Variants in FLRT2 observed in about 807,000 individuals in gnomAD.
FLRT2 encodes the protein fibronectin leucine rich transmembrane protein 2.
FLRT2 carries 15 observed loss-of-function variants against 40.0 expected under a neutral mutation model. The ratio of observed to expected loss-of-function variants is 0.38; its 90% CI spans 0.25 to 0.58. FLRT2 has a LOEUF of 0.58. Among genes scored for constraint, FLRT2 ranks in the 20% least tolerant of loss-of-function variants. FLRT2 has a pLI of 0.71. For synonymous variants in FLRT2, 380 were observed against 336.8 expected (o/e 1.13, Z -1.41); for missense variants, 726 against 840.0 (o/e 0.86, Z 1.68).
chr14:85,642,706 G>A lies in FLRT2; in HGVS notation c.*19209G>A, dbSNP rs934252561. 3 of 152,110 alleles carry A rather than the reference G, an allele frequency of 2.0e-5. No homozygotes were observed. The highest frequency in any genetic ancestry group is 4.4e-5 in the Non-Finnish European group (3 of 68,032). 9.4% of individuals were successfully genotyped at this position (152,110 alleles called of 1,614,324 possible). A position where few individuals can be genotyped will look rare whatever the true frequency, so the allele number is the denominator to read the frequency against. ...AATATGGGTACATATACTAGAGCCT[G>A]CATGCAATGAGCTTACCCAACCAGC... On this transcript the variant is annotated 3_prime_UTR_variant, in exon 2 of 2. Transcript: ENST00000330753.
intron 1 of FLRT2, among the ~76,000 whole-genome samples, chr14:85,534,731 G>T (rs538877507): frequency 6.6e-6 from 1 of 152,054 alleles, no homozygotes. Context: ...GCATTGAGGC[G>T]GCGGCAGCGG....
In FLRT2 at chr14:85,530,983, C is replaced by T. The variant is rs1888236043; in HGVS notation, c.-377+449C>T. Among the ~76,000 whole-genome samples, 3 of 152,304 alleles carry T rather than the reference C, an allele frequency of 2.0e-5. No individual in the cohort carries two copies. In the South Asian group the frequency reaches 6.2e-4, roughly 32 times the overall value. On this transcript the variant is annotated intron_variant, in intron 1 of 1. Transcript: ENST00000330753. ...TATCAGGCTGTTGTATCTAAAGACA[C>T]CAACCTACTACCTGCCCGTAATCTG...
chr14:85,647,100 C>T lies in FLRT2; in HGVS notation c.*23603C>T, dbSNP rs540137447. On this transcript the variant is annotated 3_prime_UTR_variant, in exon 2 of 2. Transcript: ENST00000330753. ...TCACTAATGTGCAACTGATCCACAACCTCATACAATTTTAGTATCTCATAT... is the reference window on the plus strand; with the variant it reads ...TCACTAATGTGCAACTGATCCACAATCTCATACAATTTTAGTATCTCATAT... 3.3e-5 allele frequency: 5 copies of T among 152,170 alleles called. No individual in the cohort carries two copies. The highest frequency in any genetic ancestry group is 5.9e-5 in the Non-Finnish European group (4 of 68,042). 9.4% of individuals were successfully genotyped at this position (152,170 alleles called of 1,614,324 possible).
chr14:85,558,111 C>A lies in FLRT2; in HGVS notation c.-377+27577C>A, dbSNP rs534020532. Among the ~76,000 whole-genome samples, 10 of 152,174 alleles carry A rather than the reference C, an allele frequency of 6.6e-5. No homozygotes were observed. The South Asian group carries it at 2.1e-3, about 32-fold the overall frequency. On this transcript the variant is annotated intron_variant, in intron 1 of 1. Transcript: ENST00000330753. ...GCACTGATGATGTTGTATAAACAGA[C>A]CATAAGGAGATTGAAGCCCTCCATG...
chr14:85,566,549 T>TTGTGTGTGTGTGTG (rs61634735), intron 1 of FLRT2, among the ~76,000 whole-genome samples: 3,465 of 130,882 alleles, frequency 0.026, 95 homozygotes, highest in African/African-American at 0.059. Flanking sequence ...ACTTCCATGG[T>TTGTGTGTGTGTGTG]TGTGTGTGTG....
At chr14:85,612,920 G>A (rs1241624680) in intron 1 of FLRT2, among the ~76,000 whole-genome samples, 1 of 152,156 alleles carries the variant, frequency 6.6e-6, no homozygotes, top group East Asian at 1.9e-4. Context: ...CTCTTGTGAA[G>A]GAGACATAAG....
chr14:85,551,665 G>A (rs141661862), intron 1 of FLRT2: 8 of 152,218 alleles, frequency 5.3e-5, no homozygotes, highest in Admixed American at 1.3e-4. Context: ...GTTTCGCCCT[G>A]AAATACCTTA....
intron 1 of FLRT2, among the ~76,000 whole-genome samples, chr14:85,616,143 AT>A (rs35793855): frequency 6.6e-6 from 1 of 151,552 alleles, no homozygotes; most frequent in African/African-American, 2.4e-5. Context: ...CCCAAAGAGC[AT>A]TTTTTTTGCA....
At chr14:85,564,199 T>A (rs1212912113) in intron 1 of FLRT2, among the ~76,000 whole-genome samples, 1 of 152,196 alleles carries the variant, frequency 6.6e-6, no homozygotes, top group East Asian at 1.9e-4. Context: ...TTCAGCCAAA[T>A]GGCATTGTTT....
rs1372371850 is a variant in FLRT2 at position 85,640,241 on chromosome 14, G to A, written c.*16744G>A. ...TGTGGTGGTTCCTTCTGCAGATAAA[G>A]CAAAGGAAATCTGGAAATGGCCAAC... On this transcript the variant is annotated 3_prime_UTR_variant, in exon 2 of 2. Transcript: ENST00000330753. 1 of 152,142 alleles carries A rather than the reference G, an allele frequency of 6.6e-6. No individual in the cohort carries two copies. Among genetic ancestry groups the A allele is most frequent in the African/African-American group, 2.4e-5 (1 of 41,416 alleles). 9.4% of individuals were successfully genotyped at this position (152,142 alleles called of 1,614,324 possible).
Position 85,633,470 on chromosome 14 carries a change from A to G in FLRT2, c.*9973A>G, listed in dbSNP as rs900660885. The G allele has an allele frequency of 1.3e-5, 2 of 152,172 alleles. No individual in the cohort carries two copies. The highest frequency in any genetic ancestry group is 2.9e-5 in the Non-Finnish European group (2 of 68,050). The allele number at this position is 152,172 out of a possible 1,614,324, so 9.4% of individuals were successfully genotyped here. On this transcript the variant is annotated 3_prime_UTR_variant, in exon 2 of 2. Transcript: ENST00000330753. ...TGTCAAAAGAGCCCCAGGAATGAGC[A>G]TTCAGAAGGCATTGGAAATCAAAAT...
In FLRT2 at chr14:85,633,834, G is replaced by C. The variant is rs1893940504; in HGVS notation, c.*10337G>C. On this transcript the variant is annotated 3_prime_UTR_variant, in exon 2 of 2. Coordinates refer to ENST00000330753, the MANE Select transcript of FLRT2 (RefSeq NM_013231.6). Reference sequence around the variant, plus strand: ...AAAAAAGTAATAAATTTCTGATATTGTTTCAAAAATCTATAATTTCTAGTA... The same window carrying C: ...AAAAAAGTAATAAATTTCTGATATTCTTTCAAAAATCTATAATTTCTAGTA... 6.6e-6 allele frequency: 1 copy of C among 151,442 alleles called. No individual in the cohort carries two copies. Among genetic ancestry groups the C allele is most frequent in the Non-Finnish European group, 1.5e-5 (1 of 67,884 alleles). The allele number at this position is 151,442 out of a possible 1,614,324, so 9.4% of individuals were successfully genotyped here.
Position 85,633,909 on chromosome 14 carries a change from T to C in FLRT2, c.*10412T>C, listed in dbSNP as rs1893942644. On this transcript the variant is annotated 3_prime_UTR_variant, in exon 2 of 2. Coordinates refer to ENST00000330753, the MANE Select transcript of FLRT2 (RefSeq NM_013231.6). ...TACACCACCAATTACGGCATTTAAA[T>C]CCACACTGGGTTTGCTGATAGTGGG... 1 of 152,176 alleles carries C rather than the reference T, an allele frequency of 6.6e-6. No homozygotes were observed. Among genetic ancestry groups the C allele is most frequent in the Non-Finnish European group, 1.5e-5 (1 of 68,034 alleles). The allele number at this position is 152,176 out of a possible 1,614,324, so 9.4% of individuals were successfully genotyped here.
At chr14:85,611,385 T>G (rs2139351875) in intron 1 of FLRT2, among the ~76,000 whole-genome samples, 1 of 152,366 alleles carries the variant, frequency 6.6e-6, no homozygotes, top group South Asian at 2.1e-4. Flanking sequence ...TTTGCTTTTC[T>G]AGAGAGGGTT....
At position 85,644,503 on chromosome 14, in the gene FLRT2, T is replaced by C. The variant is rs184368563; in HGVS notation, c.*21006T>C. 18 of 152,286 alleles carry C rather than the reference T, an allele frequency of 1.2e-4. No individual in the cohort carries two copies. Among genetic ancestry groups the C allele is most frequent in the African/African-American group, 4.1e-4 (17 of 41,572 alleles). The allele number at this position is 152,286 out of a possible 1,614,324, so 9.4% of individuals were successfully genotyped here. ...GAAGAACTGGAAGGAAAAGATAACC[T>C]AGAAACTCAGTAATTCACATGCATT... On this transcript the variant is annotated 3_prime_UTR_variant, in exon 2 of 2. Coordinates refer to ENST00000330753, the MANE Select transcript of FLRT2 (RefSeq NM_013231.6).
At chr14:85,607,627 C>T (rs1337756215) in intron 1 of FLRT2, among the ~76,000 whole-genome samples, 2 of 152,170 alleles carry the variant, frequency 1.3e-5, no homozygotes, top group African/African-American at 4.8e-5. Context: ...AAGGACTTGC[C>T]TTCAGTTTAC....
rs1244595409 is a variant in FLRT2, at chr14:85,633,032, G to A, written c.*9535G>A. ...ACATGAAGCACCATGTATTTTTCAT[G>A]CAGATGTAATTCACAAGCACATGGT... On this transcript the variant is annotated 3_prime_UTR_variant, in exon 2 of 2. Transcript: ENST00000330753. The A allele has an allele frequency of 2.0e-5, 3 of 152,146 alleles. No individual in the cohort carries two copies. The highest frequency in any genetic ancestry group is 7.2e-5 in the African/African-American group (3 of 41,384). 9.4% of individuals were successfully genotyped at this position (152,146 alleles called of 1,614,324 possible). A position where few individuals can be genotyped will look rare whatever the true frequency, so the allele number is the denominator to read the frequency against.
rs1894310786 is a variant in FLRT2 at position 85,646,574 on chromosome 14, T to C, written c.*23077T>C. The C allele has an allele frequency of 6.6e-6, 1 of 152,170 alleles. No homozygotes were observed. Among genetic ancestry groups the C allele is most frequent in the Non-Finnish European group, 1.5e-5 (1 of 68,048 alleles). 9.4% of individuals were successfully genotyped at this position (152,170 alleles called of 1,614,324 possible). A position where few individuals can be genotyped will look rare whatever the true frequency, so the allele number is the denominator to read the frequency against. ...TCTTGAGTTCAGAATCAGATATTCT[T>C]CCTCCTTGGCCTCTTCTGTTTCAGG... On this transcript the variant is annotated 3_prime_UTR_variant, in exon 2 of 2. Coordinates refer to ENST00000330753, the MANE Select transcript of FLRT2 (RefSeq NM_013231.6).
At chr14:85,610,637 A>G (rs1006175744) in intron 1 of FLRT2, among the ~76,000 whole-genome samples, 8 of 152,052 alleles carry the variant, frequency 5.3e-5, no homozygotes, top group African/African-American at 1.9e-4. Context: ...CCTTCCTTGT[A>G]TCCTTGTGCC....
Sources: allele counts gnomAD v4.1 joint callset (sites outside exome capture counted in the v4.1 genomes callset), GRCh38; gene constraint gnomAD v4.1.1; transcripts MANE v1.5; gene names NCBI Gene and HGNC (gene_info 2026-07-23, HGNC 2026-07-21).